DCC: variants seen among roughly 807,000 people sequenced by gnomAD.
DCC encodes netrin receptor DCC.
Under a neutral mutation model 172.5 loss-of-function variants are expected in DCC, and 58 were observed. That is an observed-to-expected ratio of 0.34 (90% CI 0.27 to 0.42). DCC has a LOEUF of 0.42. Among genes scored for constraint, DCC ranks in the 10% least tolerant of loss-of-function variants. The pLI, the probability that DCC is intolerant of heterozygous loss-of-function variation, is 1.00. For missense variants in DCC, 1,740 were observed against 1,791.0 expected (o/e 0.97, Z 0.51); for synonymous variants, 709 against 644.5 (o/e 1.10, Z -1.52).
chr18:52,753,072 G>T (rs1014942367), intron 2 of DCC, among the ~76,000 whole-genome samples: 2 of 151,828 alleles, frequency 1.3e-5, no homozygotes, highest in African/African-American at 4.8e-5. Context: ...TGTGAATAAT[G>T]CTGCAATTAA....
chr18:52,700,193 C>A (rs1164627967), intron 1 of DCC, among the ~76,000 whole-genome samples: 2 of 147,740 alleles, frequency 1.4e-5, no homozygotes, highest in Non-Finnish European at 3.0e-5. Flanking sequence ...CACGCACACA[C>A]ACGCACATAC....
intron 5 of DCC, among the ~76,000 whole-genome samples, chr18:53,060,085 A>G (rs890218054): frequency 1.3e-5 from 2 of 151,882 alleles, no homozygotes; most frequent in Non-Finnish European, 2.9e-5. Context: ...CTCACTGCAA[A>G]CTCTACCTCC....
rs561293842 is a variant in DCC at position 52,703,446 on chromosome 18, G to A, written c.92-48608G>A. Among the ~76,000 whole-genome samples, 3 of 152,086 alleles carry A rather than the reference G, an allele frequency of 2.0e-5. No individual in the cohort carries two copies. The South Asian group carries it at 6.2e-4, about 32-fold the overall frequency. ...ACCTCATCTTATGGGCTACCTTTACGACATTTGACACCATTGTTTACTAAT... is the reference window on the plus strand; with the variant it reads ...ACCTCATCTTATGGGCTACCTTTACAACATTTGACACCATTGTTTACTAAT... On this transcript the variant is annotated intron_variant, in intron 1 of 28. Transcript: ENST00000442544.
chr18:53,150,796 T>C (rs1338231095), intron 7 of DCC, among the ~76,000 whole-genome samples: 2 of 152,176 alleles, frequency 1.3e-5, no homozygotes, highest in Non-Finnish European at 2.9e-5. Flanking sequence ...AAGTTCAGCA[T>C]GGAGAACTGA....
intron 5 of DCC, among the ~76,000 whole-genome samples, chr18:53,045,503 T>G (rs1421021552): frequency 1.3e-5 from 2 of 151,868 alleles, no homozygotes; most frequent in Non-Finnish European, 2.9e-5. Flanking sequence ...GGTGGCCATC[T>G]ATAGCTTAAT....
intron 27 of DCC, among the ~76,000 whole-genome samples, chr18:53,508,051 C>T (rs1184553542): frequency 2.6e-5 from 4 of 151,914 alleles, no homozygotes; most frequent in Non-Finnish European, 5.9e-5. Context: ...TGCCACCATG[C>T]CCAGCTAATT....
intron 1 of DCC, among the ~76,000 whole-genome samples, chr18:52,726,927 G>A (rs535925177): frequency 6.6e-6 from 1 of 152,290 alleles, no homozygotes; most frequent in Admixed American, 6.5e-5. Context: ...ATTAATTATA[G>A]TTATGAAAAG....
At position 52,691,508 on chromosome 18, in the gene DCC, G is replaced by T. The variant is rs563738642; in HGVS notation, c.92-60546G>T. The stretch of plus-strand genomic sequence containing the variant: ...CCTGTTTTGTCTCCTCCAGATTCTG[G>T]TGATTTTGGCAGTCTTTGTCATTCC... On this transcript the variant is annotated intron_variant, in intron 1 of 28. Transcript: ENST00000442544. Among the ~76,000 whole-genome samples, 3 of 152,154 alleles carry T rather than the reference G, an allele frequency of 2.0e-5. No individual in the cohort carries two copies. In the South Asian group the frequency reaches 6.2e-4, roughly 32 times the overall value.
chr18:53,208,017 A>G (rs955392404), intron 11 of DCC, among the ~76,000 whole-genome samples, 200 bp downstream of exon 11: 3 of 152,048 alleles, frequency 2.0e-5, no homozygotes, highest in Non-Finnish European at 2.9e-5. Context: ...TAATCCTAGC[A>G]CTTTAAGAGA....
chr18:52,836,847 A>C (rs931090303), intron 2 of DCC, among the ~76,000 whole-genome samples: 4 of 152,132 alleles, frequency 2.6e-5, no homozygotes, highest in Admixed American at 6.5e-5. Context: ...TTCCAACTCC[A>C]CATTTCCCTT....
At chr18:52,405,689 AG>A (rs1986620135) in intron 1 of DCC, among the ~76,000 whole-genome samples, 1 of 151,780 alleles carries the variant, frequency 6.6e-6, no homozygotes, top group Non-Finnish European at 1.5e-5. Context: ...AACAAATGGA[AG>A]AACATTCCAT....
chr18:52,716,208 A>G (rs992376112), intron 1 of DCC, among the ~76,000 whole-genome samples: 2 of 152,224 alleles, frequency 1.3e-5, no homozygotes, highest in African/African-American at 2.4e-5. Flanking sequence ...GCGAGATCCC[A>G]GGGGGCTCCT....
chr18:52,901,110 T>C (rs2039803012), intron 2 of DCC, among the ~76,000 whole-genome samples: 1 of 152,112 alleles, frequency 6.6e-6, no homozygotes, highest in Admixed American at 6.6e-5. Flanking sequence ...TTTTAAGAAG[T>C]ATAATAATTC....
intron 7 of DCC, among the ~76,000 whole-genome samples, chr18:53,119,427 G>A (rs931846667): frequency 6.6e-6 from 1 of 151,692 alleles, no homozygotes; most frequent in Non-Finnish European, 1.5e-5. Flanking sequence ...GCTGACCAAG[G>A]CCTCCATCCT....
At chr18:52,883,350 A>ATGTGTGTGTGTGTG (rs1172759213) in intron 2 of DCC, among the ~76,000 whole-genome samples, 1 of 34,108 alleles carries the variant, frequency 2.9e-5, no homozygotes, top group African/African-American at 7.5e-5. Context: ...TTATTTATTT[A>ATGTGTGTGTGTGTG]TGTGTGTGTG....
At chr18:53,450,411 A>T in intron 22 of DCC, 89 bp from the exon 23 acceptor site, 1 of 1,465,578 alleles carries the variant, frequency 6.8e-7, no homozygotes, top group African/African-American at 1.4e-5. Context: ...AGCCCAGAAC[A>T]TTAGGAACTT....
chr18:52,913,306 G>A lies in DCC; in HGVS notation c.697+6978G>A, dbSNP rs1201702416. On this transcript the variant is annotated intron_variant, in intron 3 of 28. Transcript: ENST00000442544. ...GTTGATAAGCCTAACCTGACTTACT[G>A]TGGATACATAGACCATTTCTGTTTG... Among the ~76,000 whole-genome samples the A allele has an allele frequency of 2.0e-5, 3 of 152,090 alleles. No homozygotes were observed. The East Asian group carries it at 5.8e-4, about 29-fold the overall frequency.
chr18:53,426,084 A>T (rs576763184), intron 21 of DCC, among the ~76,000 whole-genome samples: 1 of 151,542 alleles, frequency 6.6e-6, no homozygotes, highest in South Asian at 2.1e-4. Flanking sequence ...ATCAAGACAG[A>T]TCTTTATCTG....
intron 12 of DCC, among the ~76,000 whole-genome samples, chr18:53,299,569 G>A (rs567628201): frequency 7.9e-5 from 12 of 152,032 alleles, no homozygotes; most frequent in Non-Finnish European, 1.8e-4. Context: ...AATCACTCTT[G>A]GACATTCTAC....
Sources: gnomAD v4.1 joint callset for allele counts (sites outside exome capture counted in the v4.1 genomes callset) on GRCh38, gnomAD v4.1.1 for gene constraint, MANE v1.5 for transcripts, NCBI Gene and HGNC (gene_info 2026-07-23, HGNC 2026-07-21) for gene names.